The following AGPS variants were observed in gnomAD, a reference collection of about 807,000 sequenced individuals.
The protein encoded by AGPS is alkylglycerone phosphate synthase, also known as alkyldihydroxyacetonephosphate synthase, peroxisomal.
Under a neutral mutation model 90.7 loss-of-function variants are expected in AGPS, and 26 were observed. That is an observed-to-expected ratio of 0.29 (90% CI 0.21 to 0.40). AGPS has a LOEUF of 0.40. Among genes scored for constraint, AGPS ranks in the 10% least tolerant of loss-of-function variants. The probability of loss-of-function intolerance (pLI) is 1.00; values close to 1 mark genes in which losing one functional copy is unlikely to be tolerated. For synonymous variants in AGPS, 294 were observed against 285.3 expected (o/e 1.03, Z -0.31); for missense variants, 540 against 816.1 (o/e 0.66, Z 4.12).
intron 1 of AGPS, among the ~76,000 whole-genome samples, chr2:177,393,948 A>G (rs776428601): frequency 6.6e-6 from 1 of 152,218 alleles, no homozygotes; most frequent in Non-Finnish European, 1.5e-5. Context: ...TAAGTGTGCC[A>G]AAGTGTGCTA....
At chr2:177,436,926 A>C in intron 4 of AGPS, 42 bp downstream of exon 4, 1 of 1,610,930 alleles carries the variant, frequency 6.2e-7, no homozygotes. Context: ...TTAACAAAAA[A>C]ATTCTATATT....
At position 177,406,330 on chromosome 2, in the gene AGPS, A is replaced by G. The variant is rs548690914; in HGVS notation, c.260+13281A>G. On this transcript the variant is annotated intron_variant, in intron 1 of 19. Coordinates refer to ENST00000264167, the MANE Select transcript of AGPS (RefSeq NM_003659.4). ...TGCTGTGCTACATTCTAACATTGCA[A>G]AAATGATTGACAGTCAGTGGAGATA... is the stretch of plus-strand genomic sequence containing the variant. Among the ~76,000 whole-genome samples, 6 of 152,346 alleles carry G rather than the reference A, an allele frequency of 3.9e-5. No homozygotes were observed. The South Asian group carries it at 1.2e-3, about 32-fold the overall frequency.
At chr2:177,522,042 A>G (rs1243051847) in intron 18 of AGPS, among the ~76,000 whole-genome samples, 1 of 152,082 alleles carries the variant, frequency 6.6e-6, no homozygotes, top group Non-Finnish European at 1.5e-5. Flanking sequence ...CCCAAACTAT[A>G]GAAAGGGTTT....
At chr2:177,424,854 G>A (rs1034357520) in intron 2 of AGPS, among the ~76,000 whole-genome samples, 1 of 152,104 alleles carries the variant, frequency 6.6e-6, no homozygotes, top group African/African-American at 2.4e-5. Flanking sequence ...TTTTTTTCAT[G>A]TTTGTTGGCT....
chr2:177,507,390 A>G (rs1574019271), intron 15 of AGPS, among the ~76,000 whole-genome samples: 1 of 152,140 alleles, frequency 6.6e-6, no homozygotes, highest in African/African-American at 2.4e-5. Context: ...TGAGTATTAT[A>G]TCCTCTATAC....
At chr2:177,520,266 T>G (rs1292452661) in intron 17 of AGPS, among the ~76,000 whole-genome samples, 1 of 152,244 alleles carries the variant, frequency 6.6e-6, no homozygotes, top group African/African-American at 2.4e-5. Context: ...AGCTCCTATT[T>G]AAGATGCAGT....
chr2:177,437,877 T>TA (rs943163547), intron 5 of AGPS, among the ~76,000 whole-genome samples: 1 of 152,174 alleles, frequency 6.6e-6, no homozygotes, highest in Non-Finnish European at 1.5e-5. Context: ...GCAGGTGAGA[T>TA]ACACAGAAGG....
In AGPS at chr2:177,540,053, A is replaced by ATATATATG. The variant is rs886055179; in HGVS notation, c.*1859_*1860insATATATGT. On this transcript the variant is annotated 3_prime_UTR_variant, in exon 20 of 20. Coordinates refer to ENST00000264167, the MANE Select transcript of AGPS (RefSeq NM_003659.4). ...GAAGTATATATATATATATATATATATGTATGCATGTGTGTGTGTGTATAT... is the reference window on the plus strand; with the variant it reads ...GAAGTATATATATATATATATATATATATATATGTGTATGCATGTGTGTGTGTGTATAT... 7.8e-3 allele frequency: 776 copies of ATATATATG among 99,010 alleles called. 9 individuals are homozygous for ATATATATG. Among genetic ancestry groups the ATATATATG allele is most frequent in the African/African-American group, 0.023 (691 of 30,640 alleles). The allele number at this position is 99,010 out of a possible 1,614,324, so 6.1% of individuals were successfully genotyped here. A position where few individuals can be genotyped will look rare whatever the true frequency, so the allele number is the denominator to read the frequency against.
At chr2:177,394,125 C>G (rs1254112960) in intron 1 of AGPS, among the ~76,000 whole-genome samples, 2 of 152,190 alleles carry the variant, frequency 1.3e-5, no homozygotes, top group Non-Finnish European at 2.9e-5. Flanking sequence ...ATACTTGCTT[C>G]TGATGAATTA....
chr2:177,435,322 C>A (rs1487679342), intron 3 of AGPS, among the ~76,000 whole-genome samples: 2 of 151,962 alleles, frequency 1.3e-5, no homozygotes, highest in Non-Finnish European at 2.9e-5. Flanking sequence ...GGCTGAACAA[C>A]TAATTCTACC....
chr2:177,443,034 C>T (rs1686654361), intron 7 of AGPS, among the ~76,000 whole-genome samples: 1 of 151,576 alleles, frequency 6.6e-6, no homozygotes, highest in South Asian at 2.1e-4. Flanking sequence ...TAGATGAAGT[C>T]GTTATTAACA....
chr2:177,412,341 G>A (rs750303371), intron 1 of AGPS, among the ~76,000 whole-genome samples: 2 of 152,108 alleles, frequency 1.3e-5, no homozygotes, highest in Admixed American at 6.5e-5. Flanking sequence ...GATGTCAACC[G>A]GCTAATGCTG....
chr2:177,427,080 A>G (rs565152194), intron 2 of AGPS, among the ~76,000 whole-genome samples: 5 of 152,206 alleles, frequency 3.3e-5, no homozygotes, highest in Non-Finnish European at 4.4e-5. Context: ...TCCTGGTTCA[A>G]TCTTGGGAGG....
rs1432276343 is a variant in AGPS, at chr2:177,499,832, G to C, written c.1475+102G>C. On this transcript the variant is annotated intron_variant, in intron 14 of 19. Transcript: ENST00000264167. ...TACTAGGCATTAATGTCTCCAAACA[G>C]ACTGCATGTCTCAAAGTAGTTATTA... The C allele has an allele frequency of 2.8e-5, 21 of 760,842 alleles. No homozygotes were observed. In the East Asian group the frequency reaches 5.0e-4, roughly 18 times the overall value. 47.1% of individuals were successfully genotyped at this position (760,842 alleles called of 1,614,324 possible). A position where few individuals can be genotyped will look rare whatever the true frequency, so the allele number is the denominator to read the frequency against.
At chr2:177,472,590 T>C (rs1179113711) in intron 10 of AGPS, among the ~76,000 whole-genome samples, 2 of 152,170 alleles carry the variant, frequency 1.3e-5, no homozygotes, top group Non-Finnish European at 2.9e-5. Context: ...TTCTGACTTT[T>C]GTAGTTGTTT....
rs767762408 is a variant in AGPS at position 177,461,873 on chromosome 2, G to A, written c.871-20G>A. On this transcript the variant is annotated intron_variant, in intron 8 of 19. Coordinates refer to ENST00000264167, the MANE Select transcript of AGPS (RefSeq NM_003659.4). ...AATGGGACCATTTTCACTGTAAAATGTTAAATTTTTGTTTTTCAGCTTAAA... is the reference window on the plus strand; with the variant it reads ...AATGGGACCATTTTCACTGTAAAATATTAAATTTTTGTTTTTCAGCTTAAA... The A allele has an allele frequency of 1.3e-6, 2 of 1,592,934 alleles. No homozygotes were observed. The highest frequency in any genetic ancestry group is 2.2e-5 in the South Asian group (2 of 90,802).
In AGPS at chr2:177,541,028, G is replaced by T. The variant is rs563411002; in HGVS notation, c.*2833G>T. 53 of 152,140 alleles carry T rather than the reference G, an allele frequency of 3.5e-4. No individual in the cohort carries two copies. Among genetic ancestry groups the T allele is most frequent in the African/African-American group, 1.1e-3 (46 of 41,510 alleles). The allele number at this position is 152,140 out of a possible 1,614,324, so 9.4% of individuals were successfully genotyped here. A position where few individuals can be genotyped will look rare whatever the true frequency, so the allele number is the denominator to read the frequency against. ...CCCATCATTTTACACAAAGAAAAGA[G>T]GATTATATTATTTCTTCTAAGGAAG... is the stretch of plus-strand genomic sequence containing the variant. On this transcript the variant is annotated 3_prime_UTR_variant, in exon 20 of 20. Coordinates refer to ENST00000264167, the MANE Select transcript of AGPS (RefSeq NM_003659.4).
chr2:177,435,611 A>G (rs1189468228), intron 3 of AGPS, among the ~76,000 whole-genome samples: 1 of 152,140 alleles, frequency 6.6e-6, no homozygotes, highest in Non-Finnish European at 1.5e-5. Context: ...TTGTATCAAG[A>G]CCTTGAAGAG....
chr2:177,392,849 G>T lies in AGPS; in HGVS notation c.60G>T (p.Gly20=), dbSNP rs1296401827. The change falls in exon 1 of 20, where the codon GGG becomes GGT. Residue 20 remains glycine, a synonymous_variant. Coordinates refer to ENST00000264167, the MANE Select transcript of AGPS (RefSeq NM_003659.4). ...GTGLGAGASY[G]SAADRDRDPD... Reference sequence around the variant, plus strand: ...GCTTGGGCGCGGGCGCGAGCTACGGGTCTGCAGCGGACCGGGACCGGGACC... The same window carrying T: ...GCTTGGGCGCGGGCGCGAGCTACGGTTCTGCAGCGGACCGGGACCGGGACC... 1 of 1,553,902 alleles carries T rather than the reference G, an allele frequency of 6.4e-7. No individual in the cohort carries two copies. The highest frequency in any genetic ancestry group is 8.7e-7 in the Non-Finnish European group (1 of 1,154,124).
Sources: gnomAD v4.1 joint callset for allele counts (sites outside exome capture counted in the v4.1 genomes callset) on GRCh38, gnomAD v4.1.1 for gene constraint, MANE v1.5 for transcripts, NCBI Gene and HGNC (gene_info 2026-07-23, HGNC 2026-07-21) for gene names.